Variants in SOD2 observed in about 807,000 individuals in gnomAD.
The protein encoded by SOD2 is superoxide dismutase [Mn], mitochondrial.
SOD2 carries 11 observed loss-of-function variants against 27.0 expected under a neutral mutation model. The ratio of observed to expected loss-of-function variants is 0.41; its 90% CI spans 0.26 to 0.67. SOD2 has a LOEUF of 0.67. Ranked by LOEUF, SOD2 falls within the 30% of genes least tolerant of loss-of-function variation. SOD2 has a pLI of 0.34. For synonymous variants in SOD2, 105 were observed against 103.0 expected (o/e 1.02, Z -0.12); for missense variants, 250 against 274.5 (o/e 0.91, Z 0.63).
At chr6:159,751,777 T>C (rs1186331479) in intron 1 of SOD2, among the ~76,000 whole-genome samples, 2 of 152,168 alleles carry the variant, frequency 1.3e-5, no homozygotes, top group East Asian at 1.9e-4. Flanking sequence ...TTAGAAAACA[T>C]GCAGCCAGGC....
At chr6:159,727,431 G>C (rs1390741285), upstream of SOD2, 7 of 1,161,500 alleles carry the variant, frequency 6.0e-6, no homozygotes, top group Admixed American at 7.0e-5. Flanking sequence ...CGGCGCGTTC[G>C]GACCGGCTGT....
At chr6:159,732,505 C>T (rs1168526219) in intron 1 of SOD2, among the ~76,000 whole-genome samples, 1 of 152,168 alleles carries the variant, frequency 6.6e-6, no homozygotes, top group Non-Finnish European at 1.5e-5. Flanking sequence ...ATGTACAGCT[C>T]AAATAGCTAA....
upstream of SOD2, among the ~76,000 whole-genome samples, chr6:159,694,815 G>A (rs527262841): frequency 9.9e-5 from 15 of 151,558 alleles, no homozygotes; most frequent in African/African-American, 3.6e-4. Context: ...TGTTGGTCAG[G>A]ATGGTCTCGA....
chr6:159,727,770 C>T, upstream of SOD2: 1 of 972,594 alleles, frequency 1.0e-6, no homozygotes, highest in Non-Finnish European at 1.2e-6. Context: ...TGATGCGCAG[C>T]CGCCCCCGGC....
At chr6:159,704,037 G>A (rs1051791617) in intron 1 of SOD2, among the ~76,000 whole-genome samples, 6 of 152,184 alleles carry the variant, frequency 3.9e-5, no homozygotes, top group South Asian at 4.1e-4. Flanking sequence ...TGTAATCCCA[G>A]CACTTTGGGA....
At chr6:159,732,968 G>A (rs1778680780) in intron 1 of SOD2, among the ~76,000 whole-genome samples, 1 of 151,474 alleles carries the variant, frequency 6.6e-6, no homozygotes, top group Non-Finnish European at 1.5e-5. Flanking sequence ...GGAAATGCCA[G>A]ATTTGATATC....
At chr6:159,738,108 TGGG>T (rs1425241620) in intron 1 of SOD2, among the ~76,000 whole-genome samples, 1 of 152,226 alleles carries the variant, frequency 6.6e-6, no homozygotes, top group Admixed American at 6.5e-5. Flanking sequence ...GCACTGTTAT[TGGG>T]GGAAGTGGGG....
chr6:159,717,314 T>A (rs1350817836), intron 1 of SOD2, among the ~76,000 whole-genome samples: 3 of 152,214 alleles, frequency 2.0e-5, no homozygotes, highest in Non-Finnish European at 4.4e-5. Flanking sequence ...AGGGTCTCGC[T>A]GTGTTGCCCA....
At position 159,676,614 on chromosome 6, in the gene SOD2, G is replaced by T. The variant is rs1779786874; in HGVS notation, c.*5879C>A. 6.6e-6 allele frequency: 1 copy of T among 152,094 alleles called. No individual in the cohort carries two copies. The highest frequency in any genetic ancestry group is 1.5e-5 in the Non-Finnish European group (1 of 68,054). 9.4% of individuals were successfully genotyped at this position (152,094 alleles called of 1,614,324 possible). On this transcript the variant is annotated 3_prime_UTR_variant, in exon 5 of 5. Coordinates refer to ENST00000538183, the MANE Select transcript of SOD2 (RefSeq NM_000636.4). Reference sequence around the variant, plus strand: ...GCCTGTCGAGGGGTGGGGAGAAGGGGGAGGGATAGCATTAGGAGATATACC... The same window carrying T: ...GCCTGTCGAGGGGTGGGGAGAAGGGTGAGGGATAGCATTAGGAGATATACC...
chr6:159,710,816 A>G (rs1777725892), intron 1 of SOD2, among the ~76,000 whole-genome samples: 1 of 149,804 alleles, frequency 6.7e-6, no homozygotes, highest in South Asian at 2.2e-4. Context: ...CGCCTCCACA[A>G]CCACCACTCA....
chr6:159,682,936 C>T lies in SOD2; in HGVS notation c.524-298G>A, dbSNP rs543983227. Among the ~76,000 whole-genome samples, 6 of 152,192 alleles carry T rather than the reference C, an allele frequency of 3.9e-5. No individual in the cohort carries two copies. The South Asian group carries it at 6.2e-4, about 16-fold the overall frequency. On this transcript the variant is annotated intron_variant, in intron 4 of 4. Coordinates refer to ENST00000538183, the MANE Select transcript of SOD2 (RefSeq NM_000636.4). ...AAATACCAACAAATTAATTCAAGAGCCAATTCCCAGCCTTCCTCATGGTGG... is the reference window on the plus strand; with the variant it reads ...AAATACCAACAAATTAATTCAAGAGTCAATTCCCAGCCTTCCTCATGGTGG...
exon 1 of SOD2, chr6:159,727,312 A>G (rs1778231322): frequency 7.8e-7 from 1 of 1,276,860 alleles, no homozygotes; most frequent in Non-Finnish European, 1.0e-6. Context: ...GACTGCGGCC[A>G]CGCCTGAAAG....
chr6:159,751,167 CTG>C (rs371027768), intron 1 of SOD2, among the ~76,000 whole-genome samples: 27 of 152,260 alleles, frequency 1.8e-4, no homozygotes, highest in South Asian at 4.1e-4. Flanking sequence ...TTTTTCAAAA[CTG>C]TGATTTTGTT....
exon 1 of SOD2, chr6:159,762,067 G>A (rs1780148104): frequency 6.2e-7 from 1 of 1,612,342 alleles, no homozygotes; most frequent in African/African-American, 1.3e-5. Context: ...GCGCAGGGCA[G>A]ACGGCGGCAG....
chr6:159,745,664 AC>A (rs1270892017), upstream of SOD2, among the ~76,000 whole-genome samples: 1 of 152,186 alleles, frequency 6.6e-6, no homozygotes, highest in Non-Finnish European at 1.5e-5. Flanking sequence ...AGAGGGGACT[AC>A]TGAAGAATTC....
intron 1 of SOD2, among the ~76,000 whole-genome samples, chr6:159,751,398 C>G (rs1301441786): frequency 5.3e-5 from 8 of 152,162 alleles, no homozygotes; most frequent in Non-Finnish European, 1.0e-4. Flanking sequence ...GTTGTAAACA[C>G]CAATGAAATA....
intron 1 of SOD2, among the ~76,000 whole-genome samples, chr6:159,733,743 G>A (rs1403605225): frequency 2.0e-5 from 3 of 151,686 alleles, no homozygotes; most frequent in African/African-American, 7.3e-5. Context: ...GAGAAACCCC[G>A]TCTCTACTAA....
At chr6:159,753,656 C>A (rs200728198) in intron 1 of SOD2, 17 of 1,564,350 alleles carry the variant, frequency 1.1e-5, no homozygotes, top group Non-Finnish European at 1.3e-5. Context: ...CTCAACTTTG[C>A]ATTGGCTTTT....
intron 1 of SOD2, among the ~76,000 whole-genome samples, chr6:159,718,225 G>T (rs928931170): frequency 6.6e-6 from 1 of 151,862 alleles, no homozygotes; most frequent in Non-Finnish European, 1.5e-5. Flanking sequence ...CCCTCCTTGA[G>T]CAATTCTCCC....
Sources: allele counts gnomAD v4.1 joint callset (sites outside exome capture counted in the v4.1 genomes callset), GRCh38; gene constraint gnomAD v4.1.1; transcripts MANE v1.5; gene names NCBI Gene and HGNC (gene_info 2026-07-23, HGNC 2026-07-21).